BPTF: variants seen among roughly 807,000 people sequenced by gnomAD.
BPTF encodes the protein nucleosome-remodeling factor subunit BPTF.
Under a neutral mutation model 292.5 loss-of-function variants are expected in BPTF, and 18 were observed. That is an observed-to-expected ratio of 0.06 (90% CI 0.04 to 0.09). The LOEUF is 0.09. BPTF is among the 10% of genes least tolerant of loss of function. BPTF has a pLI of 1.00. For synonymous variants in BPTF, 1,225 were observed against 1,251.9 expected (o/e 0.98, Z 0.45); for missense variants, 2,726 against 3,498.7 (o/e 0.78, Z 5.57).
intron 24 of BPTF, among the ~76,000 whole-genome samples, chr17:67,961,702 G>A (rs1439625117): frequency 2.6e-5 from 4 of 152,108 alleles, no homozygotes; most frequent in African/African-American, 9.7e-5. Context: ...GGCCAGGCGT[G>A]GTGGCTAATG....
At chr17:67,963,500 A>C in intron 24 of BPTF, 1 of 1,522,436 alleles carries the variant, frequency 6.6e-7, no homozygotes, top group Non-Finnish European at 8.8e-7. Context: ...CCTTATGATG[A>C]GTCACAGTGA....
At chr17:67,924,704 A>G in intron 15 of BPTF, 115 bp downstream of exon 15, 2 of 1,177,964 alleles carry the variant, frequency 1.7e-6, no homozygotes, top group Non-Finnish European at 2.4e-6. Context: ...ACTTGACAAC[A>G]TACATACATT....
intron 3 of BPTF, among the ~76,000 whole-genome samples, chr17:67,870,830 C>T (rs1344088801): frequency 8.4e-6 from 1 of 119,744 alleles, no homozygotes; most frequent in Non-Finnish European, 1.6e-5. Context: ...AGTGCAGTGG[C>T]GGGATCTCGG....
At chr17:67,844,051 C>T (rs1419284311) in intron 1 of BPTF, among the ~76,000 whole-genome samples, 1 of 147,504 alleles carries the variant, frequency 6.8e-6, no homozygotes, top group Non-Finnish European at 1.5e-5. Context: ...AGGTGTGAGC[C>T]ACCGTGCCCG....
rs750678904 is a variant in BPTF at position 67,897,341 on chromosome 17, C to CAAAAAA, written c.2543+3201_2543+3206dup. ...AGGCAACAAGAGTGAAACTCTGTCT[C>CAAAAAA]AAAAAAAAAAAAAAAAAAAAAAAAA... On this transcript the variant is annotated intron_variant, in intron 7 of 27. Coordinates refer to ENST00000306378, the MANE Select transcript of BPTF (RefSeq NM_182641.4). Among the ~76,000 whole-genome samples, 9 of 17,756 alleles carry CAAAAAA rather than the reference C, an allele frequency of 5.1e-4. 1 individual carries two copies. Among genetic ancestry groups the CAAAAAA allele is most frequent in the Non-Finnish European group, 8.7e-4 (4 of 4,598 alleles). The allele number at this position is 17,756 out of a possible 152,430, so 11.6% of individuals were successfully genotyped here.
chr17:67,903,660 C>CAACTACAACTACAACTA (rs2061997898), intron 7 of BPTF, 129 bp from the exon 8 acceptor site: 1 of 774,626 alleles, frequency 1.3e-6, no homozygotes, highest in African/African-American at 1.8e-5. Flanking sequence ...TAAGTTTTGT[C>CAACTACAACTACAACTA]AGTTGGGGTT....
At chr17:67,830,966 G>A (rs1194455257) in intron 1 of BPTF, among the ~76,000 whole-genome samples, 2 of 152,202 alleles carry the variant, frequency 1.3e-5, no homozygotes, top group African/African-American at 2.4e-5. Flanking sequence ...AACCACTGGT[G>A]TAGCTGTTTC....
Position 67,825,830 on chromosome 17 carries a change from A to G in BPTF, c.106A>G (p.Ile36Val). Residue 36 changes from isoleucine to valine, a missense_variant, in exon 1 of 28, where the codon ATC becomes GTC. Physicochemically the swap from Ile to Val is conservative, Grantham distance 29 (BLOSUM62 3). Transcript: ENST00000306378. ...PPPPPPTSGP[I>V]GGLRSRHRGS... ...GCCGCCGCCGCCCACGTCCGGACCC[A>G]TCGGGGGGCTCCGCTCGCGGCACCG... The G allele has an allele frequency of 2.0e-6, 2 of 1,018,498 alleles. No homozygotes were observed. Among genetic ancestry groups the G allele is most frequent in the Non-Finnish European group, 2.3e-6 (2 of 853,538 alleles). The allele number at this position is 1,018,498 out of a possible 1,614,324, so 63.1% of individuals were successfully genotyped here. A position where few individuals can be genotyped will look rare whatever the true frequency, so the allele number is the denominator to read the frequency against.
chr17:67,935,169 A>C (rs1322083246), intron 18 of BPTF, among the ~76,000 whole-genome samples: 5 of 152,210 alleles, frequency 3.3e-5, no homozygotes, highest in African/African-American at 1.2e-4. Flanking sequence ...CACACCTGTA[A>C]TCCCAGCACT....
chr17:67,867,103 G>T (rs1205606240), intron 3 of BPTF, among the ~76,000 whole-genome samples: 1 of 152,208 alleles, frequency 6.6e-6, no homozygotes, highest in Non-Finnish European at 1.5e-5. Context: ...GTGCATGACT[G>T]TGTGTATATT....
chr17:67,897,536 C>G (rs2061535056), intron 7 of BPTF, among the ~76,000 whole-genome samples: 2 of 151,910 alleles, frequency 1.3e-5, no homozygotes, highest in African/African-American at 2.4e-5. Flanking sequence ...TAAAAGTCCC[C>G]AACTCATCGT....
chr17:67,828,479 C>T (rs1485571535), intron 1 of BPTF, among the ~76,000 whole-genome samples: 1 of 152,176 alleles, frequency 6.6e-6, no homozygotes, highest in Admixed American at 6.5e-5. Flanking sequence ...CAATTTGTAG[C>T]TAGGTGTCCT....
chr17:67,943,342 G>C (rs1407846366), intron 19 of BPTF, among the ~76,000 whole-genome samples: 1 of 152,166 alleles, frequency 6.6e-6, no homozygotes, highest in African/African-American at 2.4e-5. Flanking sequence ...TGCGCCATCA[G>C]TTTTGGTCAT....
chr17:67,850,996 A>C (rs1371325667), intron 1 of BPTF, among the ~76,000 whole-genome samples: 1 of 152,182 alleles, frequency 6.6e-6, no homozygotes, highest in East Asian at 1.9e-4. Context: ...ACAATAAGCA[A>C]ATTGTAATGG....
At chr17:67,947,586 AT>A (rs1296207340) in intron 21 of BPTF, 139 bp from the exon 22 acceptor site, 1 of 670,670 alleles carries the variant, frequency 1.5e-6, no homozygotes, top group Admixed American at 3.3e-5. Context: ...GTAGCTGCTA[AT>A]TTTATTTATG....
chr17:67,984,121 T>C lies in BPTF; in HGVS notation c.*1833T>C, dbSNP rs1430503845. The C allele has an allele frequency of 6.6e-6, 1 of 152,650 alleles. No homozygotes were observed. The highest frequency in any genetic ancestry group is 1.5e-5 in the Non-Finnish European group (1 of 68,048). The allele number at this position is 152,650 out of a possible 1,614,324, so 9.5% of individuals were successfully genotyped here. ...TTACATATTGTATGCACTGTGCTGA[T>C]GCAAGAATTCTACATTTTAATGAGT... On this transcript the variant is annotated 3_prime_UTR_variant, in exon 28 of 28. Transcript: ENST00000306378.
chr17:67,977,432 T>C (rs1221047075), intron 27 of BPTF, among the ~76,000 whole-genome samples: 4 of 152,028 alleles, frequency 2.6e-5, no homozygotes, highest in African/African-American at 9.7e-5. Flanking sequence ...TGAGAATCGC[T>C]TGAACCCGGG....
At chr17:67,929,092 C>T (rs746243081) in intron 16 of BPTF, 8 of 1,298,102 alleles carry the variant, frequency 6.2e-6, no homozygotes, top group African/African-American at 3.0e-5. Flanking sequence ...GCAAGATTGT[C>T]GCTGTAAATG....
At chr17:67,866,096 G>A (rs536129997) in intron 2 of BPTF, among the ~76,000 whole-genome samples, 14 of 152,030 alleles carry the variant, frequency 9.2e-5, no homozygotes, top group African/African-American at 2.9e-4. Flanking sequence ...ACTCTAGCCC[G>A]GGCGACAGAG....
Sources: gnomAD v4.1 joint callset for allele counts (sites outside exome capture counted in the v4.1 genomes callset) on GRCh38, gnomAD v4.1.1 for gene constraint, MANE v1.5 for transcripts, NCBI Gene and HGNC (gene_info 2026-07-23, HGNC 2026-07-21) for gene names.